LRCH1: variants seen among roughly 807,000 people sequenced by gnomAD.
LRCH1 encodes the protein leucine rich repeats and calponin homology domain containing 1, also known as leucine-rich repeat and calponin homology domain-containing protein 1.
A neutral mutation model predicts 94.9 loss-of-function variants in LRCH1; 23 were observed. The observed-to-expected ratio is 0.24, with a 90% CI of 0.17 to 0.34. The LOEUF (loss-of-function observed/expected upper bound fraction) is 0.34, where lower values mean the gene tolerates loss of function less well. LRCH1 is among the 10% of genes least tolerant of loss of function. LRCH1 has a pLI of 1.00. For synonymous variants in LRCH1, 364 were observed against 354.9 expected, an observed-to-expected ratio of 1.03 and a Z score of -0.29; for missense variants, 790 against 945.9, an observed-to-expected ratio of 0.84 and a Z score of 2.16.
At chr13:46,642,915 TA>T (rs11387989) in intron 1 of LRCH1, among the ~76,000 whole-genome samples, 1 of 151,794 alleles carries the variant, frequency 6.6e-6, no homozygotes, top group Admixed American at 6.6e-5. Flanking sequence ...TTTAGGATGT[TA>T]AAAAAAACTC....
intron 16 of LRCH1, among the ~76,000 whole-genome samples, 163 bp downstream of exon 16, chr13:46,715,827 G>C (rs1315551852): frequency 6.6e-6 from 1 of 152,134 alleles, no homozygotes; most frequent in Non-Finnish European, 1.5e-5. Context: ...AGTGCACGTG[G>C]ATTGTTCTCT....
At chr13:46,607,637 C>CCTTCTT (rs541395299) in intron 1 of LRCH1, among the ~76,000 whole-genome samples, 1 of 151,434 alleles carries the variant, frequency 6.6e-6, no homozygotes, top group Non-Finnish European at 1.5e-5. Flanking sequence ...TCCTCCTCTT[C>CCTTCTT]CTTCTTCTTC....
intron 1 of LRCH1, among the ~76,000 whole-genome samples, chr13:46,596,662 A>G (rs1357064116): frequency 6.6e-6 from 1 of 152,256 alleles, no homozygotes; most frequent in Non-Finnish European, 1.5e-5. Flanking sequence ...ATGAATAGAC[A>G]AAGGGAATGA....
intron 6 of LRCH1, among the ~76,000 whole-genome samples, chr13:46,688,343 C>CT (rs1168100651): frequency 6.6e-6 from 1 of 152,072 alleles, no homozygotes; most frequent in Non-Finnish European, 1.5e-5. Context: ...CCAGACATGC[C>CT]TTTTTAGCAA....
chr13:46,708,772 C>G (rs1329880333), intron 13 of LRCH1, among the ~76,000 whole-genome samples: 2 of 152,228 alleles, frequency 1.3e-5, no homozygotes, highest in African/African-American at 4.8e-5. Flanking sequence ...AAGGTGAACT[C>G]TATCTTTGCA....
chr13:46,692,732 T>G (rs1870968419), intron 8 of LRCH1, 91 bp downstream of exon 8: 1 of 932,778 alleles, frequency 1.1e-6, no homozygotes, highest in African/African-American at 1.6e-5. Flanking sequence ...GCAGTGATAA[T>G]CTTTCTAGAG....
At chr13:46,664,198 G>C (rs1188882587) in intron 2 of LRCH1, among the ~76,000 whole-genome samples, 2 of 152,112 alleles carry the variant, frequency 1.3e-5, no homozygotes, top group Non-Finnish European at 2.9e-5. Context: ...ATATTTTAAA[G>C]GTGGCTAAAA....
chr13:46,577,949 G>A (rs1376507144), intron 1 of LRCH1, among the ~76,000 whole-genome samples: 1 of 152,232 alleles, frequency 6.6e-6, no homozygotes, highest in Non-Finnish European at 1.5e-5. Context: ...ATGCAGAAGG[G>A]CAGTGGTGCC....
intron 1 of LRCH1, among the ~76,000 whole-genome samples, chr13:46,592,486 A>G (rs1022379952): frequency 3.3e-5 from 5 of 152,232 alleles, no homozygotes; most frequent in Non-Finnish European, 7.3e-5. Flanking sequence ...AGTCCTTTAA[A>G]GAAAACAAGG....
Position 46,583,274 on chromosome 13 carries a change from A to G in LRCH1, c.307+29571A>G, listed in dbSNP as rs572497158. Among the ~76,000 whole-genome samples the G allele has an allele frequency of 2.3e-4, 35 of 152,344 alleles. 1 individual carries two copies. The highest frequency in any genetic ancestry group is 7.9e-4 in the African/African-American group (33 of 41,578). On this transcript the variant is annotated intron_variant, in intron 1 of 19. Transcript: ENST00000389797. ...TCATTCAGGCATGCTGAAAGCACTAATATTCTGTTTGCTTTTGAGTGCTAA... is the reference window on the plus strand; with the variant it reads ...TCATTCAGGCATGCTGAAAGCACTAGTATTCTGTTTGCTTTTGAGTGCTAA...
chr13:46,738,292 A>G (rs144499922), intron 19 of LRCH1, among the ~76,000 whole-genome samples: 1,719 of 152,374 alleles, frequency 0.011, 20 homozygotes, highest in Middle Eastern at 0.027. Context: ...GAGCTTCTGC[A>G]TCAGCCAAAG....
In LRCH1 at chr13:46,728,234, CT is replaced by C. The variant is rs980671948; in HGVS notation, c.1870-604del. On this transcript the variant is annotated intron_variant, in intron 17 of 19. Transcript: ENST00000389797. ...TCCTGGCCTAAGAGGAAAGCATTTC[CT>C]TTTTTTTTCTTTTTCTGTCACCCAG... 9.3e-5 allele frequency among the ~76,000 whole-genome samples: 14 copies of C among 149,904 alleles called. No individual in the cohort carries two copies. The East Asian group carries it at 2.6e-3, about 27-fold the overall frequency.
intron 10 of LRCH1, among the ~76,000 whole-genome samples, chr13:46,700,864 C>T (rs1382721025): frequency 6.6e-6 from 1 of 152,136 alleles, no homozygotes; most frequent in African/African-American, 2.4e-5. Flanking sequence ...TGCACAGGGG[C>T]AGTTAGGGGT....
At chr13:46,748,368 A>G (rs1174712942), downstream of LRCH1, among the ~76,000 whole-genome samples, 2 of 152,052 alleles carry the variant, frequency 1.3e-5, no homozygotes, top group Non-Finnish European at 1.5e-5. Flanking sequence ...CCCAAGTAAT[A>G]TCTGGCACCA....
chr13:46,618,101 G>A (rs772309807), intron 1 of LRCH1, among the ~76,000 whole-genome samples: 13 of 152,084 alleles, frequency 8.5e-5, no homozygotes, highest in Non-Finnish European at 1.8e-4. Flanking sequence ...GAACATCATC[G>A]AGTGACTTAC....
intron 1 of LRCH1, among the ~76,000 whole-genome samples, chr13:46,585,539 C>G (rs944683354): frequency 7.6e-6 from 1 of 132,256 alleles, no homozygotes; most frequent in African/African-American, 3.0e-5. Context: ...GGCGACAGAG[C>G]GAGACTGCAT....
At chr13:46,679,651 G>A in intron 3 of LRCH1, among the ~76,000 whole-genome samples, 1 of 152,192 alleles carries the variant, frequency 6.6e-6, no homozygotes, top group East Asian at 1.9e-4. Flanking sequence ...TGGGCCAGGA[G>A]GGATAGAGCA....
At chr13:46,702,230 G>A (rs751263976) in intron 11 of LRCH1, among the ~76,000 whole-genome samples, 21 of 152,174 alleles carry the variant, frequency 1.4e-4, no homozygotes, top group African/African-American at 2.4e-4. Context: ...GGCCAGGCGC[G>A]GTGGCTCACA....
At chr13:46,630,914 A>G (rs1375718090) in intron 1 of LRCH1, among the ~76,000 whole-genome samples, 17 of 152,202 alleles carry the variant, frequency 1.1e-4, no homozygotes. Flanking sequence ...TGATTTTTGC[A>G]GTCCCACACC....
Sources: allele counts gnomAD v4.1 joint callset (sites outside exome capture counted in the v4.1 genomes callset), GRCh38; gene constraint gnomAD v4.1.1; transcripts MANE v1.5; gene names NCBI Gene and HGNC (gene_info 2026-07-23, HGNC 2026-07-21).